Variants in APLP2 observed in about 807,000 individuals in gnomAD.
APLP2 encodes amyloid beta precursor like protein 2.
APLP2 carries 53 observed loss-of-function variants against 89.9 expected under a neutral mutation model. That is an observed-to-expected ratio of 0.59 (90% CI 0.47 to 0.74). The LOEUF is 0.74. Ranked by LOEUF, APLP2 falls within the 30% of genes least tolerant of loss-of-function variation. The probability of loss-of-function intolerance (pLI) is 0.00; values close to 1 mark genes in which losing one functional copy is unlikely to be tolerated. For missense variants in APLP2, 973 were observed against 975.9 expected (o/e 1.00, Z 0.04); for synonymous variants, 372 against 348.6 (o/e 1.07, Z -0.75).
In APLP2 at chr11:130,072,474, CTT is replaced by C. The variant is rs562054930; in HGVS notation, c.105+2411_105+2412del. ...GGTGTGCTTCTGATAGGAATATCGTCTTTTTTTTTTTTTTTTTTTTGATACGG... is the reference window on the plus strand; with the variant it reads ...GGTGTGCTTCTGATAGGAATATCGTCTTTTTTTTTTTTTTTTTTGATACGG... On this transcript the variant is annotated intron_variant, in intron 1 of 16. Transcript: ENST00000338167. 6.6e-3 allele frequency among the ~76,000 whole-genome samples: 730 copies of C among 110,232 alleles called. 6 individuals are homozygous for C. Among genetic ancestry groups the C allele is most frequent in the African/African-American group, 0.022 (607 of 27,440 alleles). The allele number at this position is 110,232 out of a possible 152,430, so 72.3% of individuals were successfully genotyped here. A position where few individuals can be genotyped will look rare whatever the true frequency, so the allele number is the denominator to read the frequency against.
chr11:130,093,260 T>G (rs1945697208), intron 1 of APLP2, among the ~76,000 whole-genome samples: 3 of 152,152 alleles, frequency 2.0e-5, no homozygotes, highest in African/African-American at 2.4e-5. Context: ...TAAATGTGAA[T>G]TAGATGGCTT....
At chr11:130,132,133 T>G (rs1055533574) in intron 11 of APLP2, among the ~76,000 whole-genome samples, 3 of 152,174 alleles carry the variant, frequency 2.0e-5, no homozygotes, top group African/African-American at 7.2e-5. Context: ...GTATGAACCT[T>G]CCTGTCTCAC....
intron 1 of APLP2, among the ~76,000 whole-genome samples, chr11:130,104,648 C>G (rs1947407846): frequency 6.6e-6 from 1 of 152,158 alleles, no homozygotes; most frequent in Non-Finnish European, 1.5e-5. Context: ...TTCCTTCCTA[C>G]ACATATCTTT....
At chr11:130,097,298 C>T (rs573144799) in intron 1 of APLP2, among the ~76,000 whole-genome samples, 1 of 152,280 alleles carries the variant, frequency 6.6e-6, no homozygotes, top group African/African-American at 2.4e-5. Context: ...TCTCTCCCTG[C>T]CCTGTGAAAA....
chr11:130,134,572 A>G (rs565260593), intron 12 of APLP2, among the ~76,000 whole-genome samples: 60 of 152,362 alleles, frequency 3.9e-4, no homozygotes, highest in Non-Finnish European at 3.4e-4. Context: ...TCAGCTAGGG[A>G]AAGACTAGAT....
chr11:130,127,625 G>C (rs1950525484), intron 8 of APLP2, 141 bp from the exon 9 acceptor site: 1 of 688,296 alleles, frequency 1.5e-6, no homozygotes, highest in Admixed American at 2.5e-5. Flanking sequence ...CAGTAACAAT[G>C]CTAAGCTCCT....
At position 130,135,626 on chromosome 11, in the gene APLP2, CT is replaced by C; in HGVS notation, c.1749del (p.Val584TrpfsTer5). Reference sequence around the variant, plus strand: ...TTCACTGCCTCAATCTCAGAGACCCCTGTGGACGTCCGGGTGAGCTCTGAGG... The same window carrying C: ...TTCACTGCCTCAATCTCAGAGACCCCGTGGACGTCCGGGTGAGCTCTGAGG... The part of the protein sequence containing the change: ...DQFTASISET[P>X]VDVRVSSEES... On this transcript the variant is annotated frameshift_variant, in exon 13 of 17. Coordinates refer to ENST00000338167, the MANE Select transcript of APLP2 (RefSeq NM_001142276.2). LOFTEE classifies it high-confidence loss of function. 1 of 1,614,196 alleles carries C rather than the reference CT, an allele frequency of 6.2e-7. No individual in the cohort carries two copies.
chr11:130,126,588 G>C (rs115505703), intron 7 of APLP2, 112 bp from the exon 8 acceptor site: 2 of 1,293,902 alleles, frequency 1.5e-6, no homozygotes, highest in African/African-American at 2.9e-5. Context: ...CCTGCACTTA[G>C]AGAATGCCAC....
chr11:130,094,650 C>T (rs778530126), intron 1 of APLP2, among the ~76,000 whole-genome samples: 4 of 152,184 alleles, frequency 2.6e-5, no homozygotes, highest in Admixed American at 6.5e-5. Context: ...ATTGACAAGA[C>T]GTGTACATAA....
chr11:130,123,886 G>A lies in APLP2; in HGVS notation c.1090+107G>A. ...CTGTGTGGTGTCCCTGCCCACTCGG[G>A]TGTTTGCTGTCGGTCGTCTTCCCCT... is the stretch of plus-strand genomic sequence containing the variant. On this transcript the variant is annotated intron_variant, in intron 7 of 16. Transcript: ENST00000338167. This position sits in a 1 kb window ranked among gnomAD's most constrained non-coding sequence, Gnocchi z 4.0. 1 of 1,281,588 alleles carries A rather than the reference G, an allele frequency of 7.8e-7. No homozygotes were observed. Among genetic ancestry groups the A allele is most frequent in the Non-Finnish European group, 1.1e-6 (1 of 915,474 alleles). 79.4% of individuals were successfully genotyped at this position (1,281,588 alleles called of 1,614,324 possible).
chr11:130,120,104 G>T (rs1343060386), intron 3 of APLP2, among the ~76,000 whole-genome samples: 1 of 152,134 alleles, frequency 6.6e-6, no homozygotes, highest in Non-Finnish European at 1.5e-5. Context: ...TACTGTGTAG[G>T]TGATATATTA....
chr11:130,103,136 C>T (rs947121319), intron 1 of APLP2, among the ~76,000 whole-genome samples: 67 of 152,310 alleles, frequency 4.4e-4, no homozygotes, highest in African/African-American at 1.6e-3. Flanking sequence ...AAGGCACAGT[C>T]TGTGCTTAAG....
At chr11:130,119,049 C>T (rs1370207615) in intron 3 of APLP2, among the ~76,000 whole-genome samples, 1 of 152,188 alleles carries the variant, frequency 6.6e-6, no homozygotes, top group Non-Finnish European at 1.5e-5. Context: ...GTGCTTGCGC[C>T]CGAGGCCCAA....
intron 1 of APLP2, among the ~76,000 whole-genome samples, chr11:130,091,669 G>A (rs1945252936): frequency 1.6e-5 from 2 of 126,500 alleles, no homozygotes; most frequent in African/African-American, 3.3e-5. Context: ...AGGGGCGGCC[G>A]GGCAGAGGCG....
chr11:130,127,328 A>G (rs1006753826), intron 8 of APLP2, among the ~76,000 whole-genome samples: 1 of 152,136 alleles, frequency 6.6e-6, no homozygotes, highest in Non-Finnish European at 1.5e-5. Context: ...CCAAAGTGCA[A>G]CTTTTCTTCT....
Position 130,121,781 on chromosome 11 carries a change from T to C in APLP2, c.684T>C (p.Asp228=). 6.4e-7 allele frequency: 1 copy of C among 1,573,582 alleles called. No homozygotes were observed. The change falls in exon 5 of 17, where the codon GAT becomes GAC. Residue 228 remains aspartate, a synonymous_variant. Transcript: ENST00000338167. ...EEDEEEEEEE[D]EEEDYDVYKS... ...ATGAAGAGGAAGAGGAAGAGGAAGA[T>C]GAAGAGGAAGACTATGATGTTTATA...
rs551656081 is a variant in APLP2 at position 130,083,013 on chromosome 11, A to T, written c.105+12931A>T. ...ACATAACAAAATATATTAACCACTGAAACTTTTCTTTTCTTTTTTTTTTTT... is the reference window on the plus strand; with the variant it reads ...ACATAACAAAATATATTAACCACTGTAACTTTTCTTTTCTTTTTTTTTTTT... On this transcript the variant is annotated intron_variant, in intron 1 of 16. Coordinates refer to ENST00000338167, the MANE Select transcript of APLP2 (RefSeq NM_001142276.2). Among the ~76,000 whole-genome samples, 710 of 141,254 alleles carry T rather than the reference A, an allele frequency of 5.0e-3. 3 individuals are homozygous for T. The highest frequency in any genetic ancestry group is 8.4e-3 in the Admixed American group (121 of 14,382). The allele number at this position is 141,254 out of a possible 152,430, so 92.7% of individuals were successfully genotyped here.
intron 1 of APLP2, among the ~76,000 whole-genome samples, chr11:130,091,483 C>T (rs1311524663): frequency 1.5e-5 from 2 of 132,708 alleles, no homozygotes; most frequent in Non-Finnish European, 1.6e-5. Context: ...GGCGGCTGGC[C>T]GGGCGGAGGG....
rs75960938 is a variant in APLP2 at position 130,130,693 on chromosome 11, G to A, written c.1584+527G>A. Among the ~76,000 whole-genome samples the A allele has an allele frequency of 1.4e-4, 21 of 152,290 alleles. No homozygotes were observed. In the East Asian group the frequency reaches 3.7e-3, roughly 27 times the overall value. On this transcript the variant is annotated intron_variant, in intron 11 of 16. Transcript: ENST00000338167. Reference sequence around the variant, plus strand: ...CTTGCCTACAAGACTGCTAGCTTCCGTTTAAACCAGGAAGTCTCCTAGCTC... The same window carrying A: ...CTTGCCTACAAGACTGCTAGCTTCCATTTAAACCAGGAAGTCTCCTAGCTC...
Sources: allele counts gnomAD v4.1 joint callset (sites outside exome capture counted in the v4.1 genomes callset), GRCh38; gene constraint gnomAD v4.1.1; non-coding constraint Gnocchi (gnomAD v3.1); transcripts MANE v1.5; gene names NCBI Gene and HGNC (gene_info 2026-07-23, HGNC 2026-07-21).